Variants in SLC17A3 observed in about 807,000 individuals in gnomAD.
SLC17A3 encodes solute carrier family 17 member 3.
Under a neutral mutation model 60.3 loss-of-function variants are expected in SLC17A3, and 61 were observed. That is an observed-to-expected ratio of 1.01 (90% CI 0.82 to 1.25). The LOEUF (loss-of-function observed/expected upper bound fraction) is 1.25, where lower values mean the gene tolerates loss of function less well. SLC17A3 is among the 50% of genes most tolerant of loss of function. The probability of loss-of-function intolerance (pLI) is 0.00; values close to 1 mark genes in which losing one functional copy is unlikely to be tolerated. For synonymous variants in SLC17A3, 192 were observed against 208.9 expected, an observed-to-expected ratio of 0.92 and a Z score of 0.70; for missense variants, 624 against 594.9, an observed-to-expected ratio of 1.05 and a Z score of -0.51.
In SLC17A3 at chr6:25,861,640, G is replaced by A. The variant is rs941535379; in HGVS notation, c.609C>T (p.Cys203=). Residue 203 remains cysteine (C), a synonymous_variant, in exon 5 of 13, where the codon TGC becomes TGT. Coordinates refer to ENST00000397060, the MANE Select transcript of SLC17A3 (RefSeq NM_001098486.2). The part of the protein sequence containing the change: ...WGPPQERSRL[C]SIALSGMLLG... ...TGTCCTTACCTGATAAAGCAATGCT[G>A]CAGAGTCTGCTTCGTTCTTGTGGAG... is the stretch of plus-strand genomic sequence containing the variant. 2 of 1,613,804 alleles carry A rather than the reference G, an allele frequency of 1.2e-6. No homozygotes were observed. Among genetic ancestry groups the A allele is most frequent in the Admixed American group, 3.3e-5 (2 of 60,012 alleles).
chr6:25,866,933 T>C (rs1036664982), intron 2 of SLC17A3, among the ~76,000 whole-genome samples: 1 of 152,010 alleles, frequency 6.6e-6, no homozygotes, highest in Non-Finnish European at 1.5e-5. Context: ...TACTGCATTT[T>C]GTCAAACTGA....
chr6:25,852,021 T>C (rs1342368583), intron 6 of SLC17A3, among the ~76,000 whole-genome samples: 1 of 152,162 alleles, frequency 6.6e-6, no homozygotes, highest in East Asian at 1.9e-4. Context: ...ATTTCAGCTT[T>C]TCTACATCTG....
intron 5 of SLC17A3, among the ~76,000 whole-genome samples, chr6:25,856,890 A>G (rs1765366035): frequency 6.6e-6 from 1 of 151,538 alleles, no homozygotes; most frequent in South Asian, 2.1e-4. Context: ...TTAATGAAAA[A>G]GTGAAAAAGA....
chr6:25,852,266 G>C (rs1765291289), intron 6 of SLC17A3, among the ~76,000 whole-genome samples: 1 of 151,954 alleles, frequency 6.6e-6, no homozygotes, highest in Non-Finnish European at 1.5e-5. Context: ...GCTACTTTAA[G>C]ATTTTCTCTT....
At chr6:25,850,225 C>G in intron 8 of SLC17A3, 48 bp from the exon 9 acceptor site, 2 of 1,584,172 alleles carry the variant, frequency 1.3e-6, no homozygotes, top group Non-Finnish European at 1.7e-6. Flanking sequence ...GCAGTGAGAC[C>G]ACAACTTTTG....
At chr6:25,847,740 A>AT (rs1765201788) in intron 11 of SLC17A3, among the ~76,000 whole-genome samples, 1 of 151,438 alleles carries the variant, frequency 6.6e-6, no homozygotes, top group Non-Finnish European at 1.5e-5. Flanking sequence ...TTTTATTATT[A>AT]TTTTTTAATT....
At chr6:25,847,544 TC>T (rs1765198540) in intron 11 of SLC17A3, among the ~76,000 whole-genome samples, 1 of 152,198 alleles carries the variant, frequency 6.6e-6, no homozygotes, top group African/African-American at 2.4e-5. Flanking sequence ...GTATAAGCGT[TC>T]CCTTTTCTCT....
At chr6:25,850,961 T>A in intron 6 of SLC17A3, 84 bp from the exon 7 acceptor site, 1 of 1,004,334 alleles carries the variant, frequency 1.0e-6, no homozygotes, top group Non-Finnish European at 1.6e-6. Flanking sequence ...TTTTCTGTTA[T>A]AAGTTCTAGG....
In SLC17A3 at chr6:25,873,559, T is replaced by G. The variant is rs558794747; in HGVS notation, c.-34+608A>C. 1.0e-3 allele frequency among the ~76,000 whole-genome samples: 159 copies of G among 152,200 alleles called. No individual in the cohort carries two copies. In the Middle Eastern group the frequency reaches 0.02, roughly 20 times the overall value. ...CACTGCCCTCAGCCCACCTACCATC[T>G]TCTGCTGACTCTGGTGACTGTCCCA... On this transcript the variant is annotated intron_variant, in intron 1 of 12. Coordinates refer to ENST00000397060, the MANE Select transcript of SLC17A3 (RefSeq NM_001098486.2).
In SLC17A3 at chr6:25,868,280, G is replaced by A; in HGVS notation, c.91+17C>T. 1 of 1,594,022 alleles carries A rather than the reference G, an allele frequency of 6.3e-7. No homozygotes were observed. Among genetic ancestry groups the A allele is most frequent in the Non-Finnish European group, 8.6e-7 (1 of 1,162,482 alleles). ...CACTGTAAAATCCTAAAACCAAGCA[G>A]TTGAGGTCAAATTTACCTTTCCTGG... On this transcript the variant is annotated intron_variant, in intron 2 of 12. Transcript: ENST00000397060.
intron 1 of SLC17A3, among the ~76,000 whole-genome samples, chr6:25,873,893 C>G (rs546849355): frequency 6.6e-6 from 1 of 152,148 alleles, no homozygotes; most frequent in South Asian, 2.1e-4. Context: ...TTAAACACCT[C>G]GCAAGAGTGC....
intron 5 of SLC17A3, among the ~76,000 whole-genome samples, chr6:25,855,790 G>A (rs181757496): frequency 4.6e-5 from 7 of 152,076 alleles, no homozygotes; most frequent in Admixed American, 2.6e-4. Flanking sequence ...GGGCATGTTC[G>A]CTTTTTATTA....
intron 2 of SLC17A3, among the ~76,000 whole-genome samples, chr6:25,866,587 A>G (rs1228132380): frequency 6.6e-6 from 1 of 152,030 alleles, no homozygotes; most frequent in East Asian, 1.9e-4. Context: ...GAAATAGAAA[A>G]TGAGTACAGT....
At chr6:25,850,691 C>T (rs1282565503) in intron 7 of SLC17A3, 68 bp downstream of exon 7, 1 of 1,605,240 alleles carries the variant, frequency 6.2e-7, no homozygotes, top group East Asian at 2.2e-5. Context: ...CCTTAAAAAT[C>T]CAGATTTAAG....
chr6:25,867,610 A>G (rs1387106826), intron 2 of SLC17A3, among the ~76,000 whole-genome samples: 1 of 151,988 alleles, frequency 6.6e-6, no homozygotes, highest in African/African-American at 2.4e-5. Flanking sequence ...GTTCATATAT[A>G]GATATAATAG....
chr6:25,872,452 G>A (rs1765660379), intron 1 of SLC17A3, among the ~76,000 whole-genome samples: 1 of 151,130 alleles, frequency 6.6e-6, no homozygotes, highest in Non-Finnish European at 1.5e-5. Context: ...GTGTGTGTGG[G>A]TGTGTTTGTA....
At chr6:25,857,663 T>C (rs1444269368) in intron 5 of SLC17A3, among the ~76,000 whole-genome samples, 2 of 152,140 alleles carry the variant, frequency 1.3e-5, no homozygotes, top group African/African-American at 4.8e-5. Context: ...ATTAAATAAC[T>C]TGCCAAAGGT....
At chr6:25,870,318 T>G (rs1343239216) in intron 1 of SLC17A3, among the ~76,000 whole-genome samples, 1 of 151,992 alleles carries the variant, frequency 6.6e-6, no homozygotes, top group Non-Finnish European at 1.5e-5. Context: ...ATGACATAGC[T>G]GGGTCAACCT....
chr6:25,861,563 C>G (rs1581527991), intron 5 of SLC17A3, 61 bp downstream of exon 5: 1 of 1,382,896 alleles, frequency 7.2e-7, no homozygotes, highest in East Asian at 2.3e-5. Context: ...GAAAAGTTGT[C>G]AAGGAACCCA....
Sources: gnomAD v4.1 joint callset for allele counts (sites outside exome capture counted in the v4.1 genomes callset) on GRCh38, gnomAD v4.1.1 for gene constraint, MANE v1.5 for transcripts, NCBI Gene and HGNC (gene_info 2026-07-23, HGNC 2026-07-21) for gene names.